TSPAN5: variants seen among roughly 807,000 people sequenced by gnomAD.
The protein encoded by TSPAN5 is tetraspanin 5.
A neutral mutation model predicts 37.1 loss-of-function variants in TSPAN5; 10 were observed. That is an observed-to-expected ratio of 0.27 (90% confidence interval 0.17 to 0.46). The LOEUF is 0.46. TSPAN5 is among the 20% of genes least tolerant of loss of function. TSPAN5 has a pLI of 1.00. For synonymous variants in TSPAN5, 110 were observed against 118.9 expected, an observed-to-expected ratio of 0.93 and a Z score of 0.48; for missense variants, 195 against 326.6, an observed-to-expected ratio of 0.60 and a Z score of 3.11.
chr4:98,481,980 T>C, intron 4 of TSPAN5, 25 bp downstream of exon 4: 5 of 1,610,696 alleles, frequency 3.1e-6, no homozygotes, highest in Non-Finnish European at 4.2e-6. Flanking sequence ...ACTTTCAACT[T>C]GAAAACAAAC....
At chr4:98,621,529 G>A (rs1192089925) in intron 1 of TSPAN5, among the ~76,000 whole-genome samples, 3 of 151,754 alleles carry the variant, frequency 2.0e-5, no homozygotes, top group African/African-American at 4.8e-5. Context: ...CACCACGTCC[G>A]GCTAATTTTT....
intron 1 of TSPAN5, among the ~76,000 whole-genome samples, chr4:98,597,490 T>C (rs1304759768): frequency 6.6e-5 from 3 of 45,642 alleles, no homozygotes; most frequent in South Asian, 1.4e-3. Flanking sequence ...GGAACTGCGT[T>C]CCTTTGGAGG....
At chr4:98,648,238 C>T (rs995993227) in intron 1 of TSPAN5, among the ~76,000 whole-genome samples, 5 of 152,148 alleles carry the variant, frequency 3.3e-5, no homozygotes, top group East Asian at 3.8e-4. Flanking sequence ...CAGACCTTGA[C>T]GCAGAAAGCA....
rs114636330 is a variant in TSPAN5 at position 98,539,899 on chromosome 4, A to T, written c.82-32171T>A. 5.8e-4 allele frequency among the ~76,000 whole-genome samples: 88 copies of T among 152,214 alleles called. 1 individual carries two copies. Among genetic ancestry groups the T allele is most frequent in the Admixed American group, 8.5e-4 (13 of 15,284 alleles). ...CGTGTTCTCTCTCTCTCTCATCAAC[A>T]TGGCTCTGTGGGAAGCCATGCTGTG... is the stretch of plus-strand genomic sequence containing the variant. On this transcript the variant is annotated intron_variant, in intron 1 of 7. Coordinates refer to ENST00000305798, the MANE Select transcript of TSPAN5 (RefSeq NM_005723.4).
rs192701540 is a variant in TSPAN5, at chr4:98,640,401, G to A, written c.81+17745C>T. Among the ~76,000 whole-genome samples the A allele has an allele frequency of 1.0e-3, 152 of 152,148 alleles. 3 individuals carry two copies. Among genetic ancestry groups the A allele is most frequent in the African/African-American group, 7.7e-4 (32 of 41,492 alleles). ...GGCATATTTATATACATGATTTTAC[G>A]GAAACTGTAATGTTCTGTAGATACT... On this transcript the variant is annotated intron_variant, in intron 1 of 7. Coordinates refer to ENST00000305798, the MANE Select transcript of TSPAN5 (RefSeq NM_005723.4).
intron 4 of TSPAN5, among the ~76,000 whole-genome samples, chr4:98,479,491 C>T (rs1252424935): frequency 6.6e-6 from 1 of 152,144 alleles, no homozygotes; most frequent in Non-Finnish European, 1.5e-5. Context: ...GGTTTCACAT[C>T]ACCAAGATTC....
intron 1 of TSPAN5, among the ~76,000 whole-genome samples, chr4:98,572,440 G>C (rs1017295997): frequency 5.9e-5 from 9 of 152,214 alleles, no homozygotes; most frequent in South Asian, 2.1e-4. Flanking sequence ...TACCAGCACT[G>C]TTCTAGGGGC....
chr4:98,544,554 G>C (rs1301463728), intron 1 of TSPAN5, among the ~76,000 whole-genome samples: 1 of 152,214 alleles, frequency 6.6e-6, no homozygotes, highest in Non-Finnish European at 1.5e-5. Flanking sequence ...GGGCTGGCTA[G>C]AGCACAAAAT....
At chr4:98,517,738 A>C (rs953175574) in intron 1 of TSPAN5, among the ~76,000 whole-genome samples, 3 of 152,130 alleles carry the variant, frequency 2.0e-5, no homozygotes, top group African/African-American at 4.8e-5. Context: ...AAAGTGAGGG[A>C]TGAGCCATCC....
intron 1 of TSPAN5, among the ~76,000 whole-genome samples, chr4:98,583,645 C>A (rs994269844): frequency 6.6e-6 from 1 of 152,246 alleles, no homozygotes; most frequent in Admixed American, 6.5e-5. Flanking sequence ...TAAGCTCAGA[C>A]AACAGAAAGA....
At chr4:98,488,249 T>A (rs1753015819) in intron 2 of TSPAN5, among the ~76,000 whole-genome samples, 1 of 152,190 alleles carries the variant, frequency 6.6e-6, no homozygotes, top group African/African-American at 2.4e-5. Context: ...TACTTCCCAG[T>A]CAGCACTAAC....
rs1337803699 is a variant in TSPAN5 at position 98,471,765 on chromosome 4, T to G, written c.*757A>C. 1.3e-5 allele frequency: 2 copies of G among 152,324 alleles called. No homozygotes were observed. Among genetic ancestry groups the G allele is most frequent in the South Asian group, 2.1e-4 (1 of 4,828 alleles). 9.4% of individuals were successfully genotyped at this position (152,324 alleles called of 1,614,324 possible). On this transcript the variant is annotated 3_prime_UTR_variant, in exon 8 of 8. Transcript: ENST00000305798. ...GGATATTTAACTGATACCTCTTCATTAACCTCATTTTCTCCTTGAATTTCA... is the reference window on the plus strand; with the variant it reads ...GGATATTTAACTGATACCTCTTCATGAACCTCATTTTCTCCTTGAATTTCA...
rs1194318640 is a variant in TSPAN5, at chr4:98,533,939, T to TAAAAAAAAAAAAAAAAAAAAAAAAAAAAA, written c.82-26212_82-26211insTTTTTTTTTTTTTTTTTTTTTTTTTTTTT. Among the ~76,000 whole-genome samples the TAAAAAAAAAAAAAAAAAAAAAAAAAAAAA allele has an allele frequency of 5.5e-4, 17 of 31,154 alleles. 4 individuals carry two copies. The highest frequency in any genetic ancestry group is 9.2e-4 in the African/African-American group (5 of 5,450). 20.4% of individuals were successfully genotyped at this position (31,154 alleles called of 152,430 possible). A position where few individuals can be genotyped will look rare whatever the true frequency, so the allele number is the denominator to read the frequency against. On this transcript the variant is annotated intron_variant, in intron 1 of 7. Transcript: ENST00000305798. ...AGTGGTCTATCCATTTTGTTGATCT[T>TAAAAAAAAAAAAAAAAAAAAAAAAAAAAA]AAAAAAAAAAAAAAAAAAAAAAACC...
intron 1 of TSPAN5, among the ~76,000 whole-genome samples, chr4:98,567,445 T>C (rs1457716927): frequency 6.6e-6 from 1 of 152,240 alleles, no homozygotes; most frequent in Non-Finnish European, 1.5e-5. Flanking sequence ...CAAAAATAAC[T>C]GATTACTGAA....
intron 1 of TSPAN5, among the ~76,000 whole-genome samples, chr4:98,611,640 C>T (rs1756193859): frequency 6.6e-6 from 1 of 152,320 alleles, no homozygotes; most frequent in South Asian, 2.1e-4. Flanking sequence ...AAACAAGCTG[C>T]CTCGTCTGTG....
intron 2 of TSPAN5, among the ~76,000 whole-genome samples, chr4:98,487,897 T>A (rs1299030230): frequency 2.0e-5 from 3 of 152,140 alleles, no homozygotes; most frequent in African/African-American, 7.2e-5. Flanking sequence ...AGAACCTATG[T>A]TACAAGATTA....
chr4:98,643,143 A>G (rs571579777), intron 1 of TSPAN5, among the ~76,000 whole-genome samples: 66 of 152,226 alleles, frequency 4.3e-4, no homozygotes, highest in Non-Finnish European at 6.6e-4. Flanking sequence ...TTGGTGTACC[A>G]CTTTTTTATC....
chr4:98,592,680 T>C (rs1755676716), intron 1 of TSPAN5, among the ~76,000 whole-genome samples: 2 of 147,308 alleles, frequency 1.4e-5, no homozygotes, highest in South Asian at 2.2e-4. Context: ...AGTGAGAATA[T>C]GCGGTGTTTG....
chr4:98,478,877 C>A, intron 4 of TSPAN5, 67 bp from the exon 5 acceptor site: 1 of 1,579,172 alleles, frequency 6.3e-7, no homozygotes, highest in Admixed American at 1.7e-5. Context: ...CACTCACACC[C>A]GCCGAACGAC....
Sources: allele counts gnomAD v4.1 joint callset (sites outside exome capture counted in the v4.1 genomes callset), GRCh38; gene constraint gnomAD v4.1.1; transcripts MANE v1.5; gene names NCBI Gene and HGNC (gene_info 2026-07-23, HGNC 2026-07-21).